PPP4R4: variants seen among roughly 807,000 people sequenced by gnomAD.
PPP4R4 encodes serine/threonine-protein phosphatase 4 regulatory subunit 4.
A neutral mutation model predicts 121.8 loss-of-function variants in PPP4R4; 70 were observed. The ratio of observed to expected loss-of-function variants is 0.57; its 90% confidence interval spans 0.47 to 0.70. PPP4R4 has a LOEUF of 0.70. PPP4R4 is among the 30% of genes least tolerant of loss of function. The pLI is 0.00. For synonymous variants in PPP4R4, 348 were observed against 355.7 expected (o/e 0.98, Z 0.24); for missense variants, 875 against 1,033.6 (o/e 0.85, Z 2.10).
intron 2 of PPP4R4, among the ~76,000 whole-genome samples, chr14:94,202,875 C>T (rs902781923): frequency 2.6e-5 from 4 of 151,394 alleles, no homozygotes; most frequent in African/African-American, 7.3e-5. Context: ...CCCAGCTACT[C>T]GGGAGGCTGA....
At chr14:94,268,485 G>A (rs1894156694) in intron 23 of PPP4R4, among the ~76,000 whole-genome samples, 1 of 152,182 alleles carries the variant, frequency 6.6e-6, no homozygotes, top group Non-Finnish European at 1.5e-5. Flanking sequence ...TAAGAACCAA[G>A]AGAGTAGATA....
At chr14:94,194,940 C>G (rs559912307) in intron 2 of PPP4R4, among the ~76,000 whole-genome samples, 1 of 152,212 alleles carries the variant, frequency 6.6e-6, no homozygotes, top group East Asian at 1.9e-4. Context: ...ACTCCTTATA[C>G]TTTTCTCTAA....
At chr14:94,188,564 AATATAT>A (rs915635829) in intron 2 of PPP4R4, among the ~76,000 whole-genome samples, 9 of 151,462 alleles carry the variant, frequency 5.9e-5, no homozygotes, top group Non-Finnish European at 1.2e-4. Context: ...TATCTTGCCT[AATATAT>A]ATATATGTGT....
intron 2 of PPP4R4, among the ~76,000 whole-genome samples, chr14:94,188,626 G>T (rs1354536564): frequency 2.0e-5 from 3 of 151,886 alleles, no homozygotes; most frequent in African/African-American, 7.3e-5. Flanking sequence ...TCTTGATATA[G>T]TACCTAAATT....
intron 2 of PPP4R4, among the ~76,000 whole-genome samples, chr14:94,199,711 C>CTT (rs1890070506): frequency 6.6e-6 from 1 of 152,196 alleles, no homozygotes; most frequent in Non-Finnish European, 1.5e-5. Flanking sequence ...GCGCTCTCCT[C>CTT]TGACTGCCCC....
chr14:94,221,982 T>C (rs183025185), intron 3 of PPP4R4, among the ~76,000 whole-genome samples: 2 of 152,196 alleles, frequency 1.3e-5, no homozygotes, highest in African/African-American at 4.8e-5. Flanking sequence ...TCAATTGTGG[T>C]ATAACCATTC....
At chr14:94,176,827 A>G (rs1253923369) in intron 2 of PPP4R4, among the ~76,000 whole-genome samples, 1 of 152,236 alleles carries the variant, frequency 6.6e-6, no homozygotes, top group Non-Finnish European at 1.5e-5. Flanking sequence ...CAAATTTCCT[A>G]CAGCATTTTG....
chr14:94,268,250 G>A (rs976388165), intron 23 of PPP4R4, among the ~76,000 whole-genome samples: 2 of 152,194 alleles, frequency 1.3e-5, no homozygotes, highest in Non-Finnish European at 2.9e-5. Context: ...GATGATTATA[G>A]ATGTTCATAA....
At chr14:94,273,765 A>G (rs1894480091) in intron 23 of PPP4R4, among the ~76,000 whole-genome samples, 1 of 152,166 alleles carries the variant, frequency 6.6e-6, no homozygotes, top group Non-Finnish European at 1.5e-5. Context: ...AAACTGTTCT[A>G]AAAAATAGAG....
chr14:94,233,057 C>CA (rs11399509), intron 5 of PPP4R4, among the ~76,000 whole-genome samples: 47,591 of 134,706 alleles, frequency 0.35, 8,738 homozygotes, highest in East Asian at 0.63. Flanking sequence ...GACTCCGTCT[C>CA]AAAAAAAAAA....
intron 8 of PPP4R4, 60 bp from the exon 9 acceptor site, chr14:94,240,613 C>T (rs1340022461): frequency 2.0e-6 from 3 of 1,526,200 alleles, no homozygotes; most frequent in Non-Finnish European, 2.7e-6. Context: ...GTATTAGTTT[C>T]CACATGTGCA....
intron 2 of PPP4R4, among the ~76,000 whole-genome samples, chr14:94,194,812 CA>C (rs1351408124): frequency 6.6e-6 from 1 of 152,064 alleles, no homozygotes; most frequent in Non-Finnish European, 1.5e-5. Flanking sequence ...GTCAGCAGAA[CA>C]AAACAACATG....
chr14:94,212,921 G>T (rs1385500939), intron 3 of PPP4R4, among the ~76,000 whole-genome samples: 1 of 152,080 alleles, frequency 6.6e-6, no homozygotes, highest in East Asian at 1.9e-4. Flanking sequence ...AATTTATTTA[G>T]TTGTTTTTAC....
chr14:94,261,332 T>C (rs1893773956), intron 19 of PPP4R4, among the ~76,000 whole-genome samples: 1 of 152,174 alleles, frequency 6.6e-6, no homozygotes, highest in Non-Finnish European at 1.5e-5. Context: ...GGCATTATTA[T>C]AAATGGAAGT....
intron 14 of PPP4R4, among the ~76,000 whole-genome samples, chr14:94,249,020 G>A (rs184717081): frequency 2.4e-4 from 36 of 151,804 alleles, no homozygotes; most frequent in Admixed American, 7.9e-4. Context: ...CTTTTGACTT[G>A]ATTACATTTA....
intron 3 of PPP4R4, among the ~76,000 whole-genome samples, chr14:94,214,460 G>C (rs75992299): frequency 0.033 from 4,947 of 150,448 alleles, 108 homozygotes; most frequent in Non-Finnish European, 0.048. Context: ...AATAGTTACT[G>C]ACTGCACTCC....
At chr14:94,225,182 T>C (rs1344436140) in intron 3 of PPP4R4, among the ~76,000 whole-genome samples, 1 of 152,178 alleles carries the variant, frequency 6.6e-6, no homozygotes, top group Non-Finnish European at 1.5e-5. Flanking sequence ...ACGAGGTAAC[T>C]CTAATCAACT....
chr14:94,213,057 T>C, intron 3 of PPP4R4, among the ~76,000 whole-genome samples: 1 of 152,192 alleles, frequency 6.6e-6, no homozygotes, highest in East Asian at 1.9e-4. Context: ...GGCACTGTAT[T>C]CTGTCAGATA....
intron 4 of PPP4R4, 136 bp from the exon 5 acceptor site, chr14:94,231,106 A>G: frequency 1.5e-6 from 1 of 679,552 alleles, no homozygotes; most frequent in South Asian, 3.5e-5. Context: ...AAAATAATAG[A>G]GAAACTTTTT....
Sources: allele counts gnomAD v4.1 joint callset (sites outside exome capture counted in the v4.1 genomes callset), GRCh38; gene constraint gnomAD v4.1.1; transcripts MANE v1.5; gene names NCBI Gene and HGNC (gene_info 2026-07-23, HGNC 2026-07-21).